Variants in EIF4G3 observed in about 807,000 individuals in gnomAD.
The protein encoded by EIF4G3 is eukaryotic translation initiation factor 4 gamma 3.
EIF4G3 carries 34 observed loss-of-function variants against 186.4 expected under a neutral mutation model. The ratio of observed to expected loss-of-function variants is 0.18; its 90% CI spans 0.14 to 0.24. EIF4G3 has a LOEUF of 0.24. Ranked by LOEUF, EIF4G3 falls within the 10% of genes least tolerant of loss-of-function variation. EIF4G3 has a pLI of 1.00. For missense variants in EIF4G3, 1,536 were observed against 1,948.5 expected (o/e 0.79, Z 3.99); for synonymous variants, 673 against 679.5 (o/e 0.99, Z 0.15).
At chr1:20,882,749 T>A (rs764077525) in intron 19 of EIF4G3, among the ~76,000 whole-genome samples, 4 of 151,942 alleles carry the variant, frequency 2.6e-5, no homozygotes, top group Admixed American at 6.6e-5. Context: ...CGAGCCATCA[T>A]TGTGCCACTG....
chr1:20,876,066 C>CA (rs2080704232), intron 20 of EIF4G3, among the ~76,000 whole-genome samples: 1 of 150,770 alleles, frequency 6.6e-6, no homozygotes, highest in South Asian at 2.1e-4. Flanking sequence ...CCTACATGTA[C>CA]AAAAAAATAC....
intron 2 of EIF4G3, among the ~76,000 whole-genome samples, chr1:21,158,047 A>G (rs2102899850): frequency 6.6e-6 from 1 of 152,264 alleles, no homozygotes; most frequent in South Asian, 2.1e-4. Context: ...TGTCCTTATC[A>G]TGAACTAATT....
intron 2 of EIF4G3, among the ~76,000 whole-genome samples, chr1:21,163,467 G>T (rs1190743962): frequency 6.6e-6 from 1 of 152,104 alleles, no homozygotes; most frequent in Admixed American, 6.5e-5. Flanking sequence ...ATTATACATG[G>T]ACTAATTAAG....
intron 29 of EIF4G3, among the ~76,000 whole-genome samples, chr1:20,843,775 G>A (rs2069617027): frequency 6.6e-6 from 1 of 152,164 alleles, no homozygotes; most frequent in Non-Finnish European, 1.5e-5. Context: ...GTATCCATTA[G>A]TTATTTTTCC....
At chr1:21,173,485 G>A (rs936512375) in intron 2 of EIF4G3, among the ~76,000 whole-genome samples, 4 of 151,984 alleles carry the variant, frequency 2.6e-5, no homozygotes, top group South Asian at 2.1e-4. Context: ...CCAGGAGTTC[G>A]AGACCAGCCT....
At chr1:21,074,766 T>A (rs1329700270) in intron 3 of EIF4G3, among the ~76,000 whole-genome samples, 2 of 152,150 alleles carry the variant, frequency 1.3e-5, no homozygotes, top group African/African-American at 2.4e-5. Context: ...TCCAATACAA[T>A]GTTGTATTAA....
rs942926223 is a variant in EIF4G3, at chr1:20,925,163, C to T, written c.1663+16328G>A. On this transcript the variant is annotated intron_variant, in intron 14 of 36. Transcript: ENST00000602326. ...AGGTTTCTCCTTTATTTATACTATA[C>T]GTACTGTTTTACACCTTGGTATGGC... Among the ~76,000 whole-genome samples the T allele has an allele frequency of 4.6e-5, 7 of 152,232 alleles. No individual in the cohort carries two copies. The South Asian group carries it at 6.2e-4, about 14-fold the overall frequency.
intron 2 of EIF4G3, among the ~76,000 whole-genome samples, chr1:21,170,574 G>C (rs2097941277): frequency 6.6e-6 from 1 of 152,056 alleles, no homozygotes; most frequent in Admixed American, 6.6e-5. Context: ...AGGAAGCTAA[G>C]GCAGGAGAAT....
intron 14 of EIF4G3, among the ~76,000 whole-genome samples, chr1:20,907,876 C>T (rs1354834751): frequency 1.3e-5 from 2 of 152,022 alleles, no homozygotes; most frequent in Non-Finnish European, 2.9e-5. Context: ...GTCTTTATAG[C>T]AGCATGATTT....
At chr1:20,851,579 AT>A (rs1256472583) in intron 27 of EIF4G3, 101 bp from the exon 28 acceptor site, 1 of 1,121,990 alleles carries the variant, frequency 8.9e-7, no homozygotes, top group Admixed American at 2.3e-5. Context: ...AGTATACAGA[AT>A]TTTTCACAGA....
rs534746378 is a variant in EIF4G3 at position 20,884,689 on chromosome 1, G to C, written c.2424+1512C>G. Among the ~76,000 whole-genome samples the C allele has an allele frequency of 5.3e-5, 8 of 152,280 alleles. No homozygotes were observed. The East Asian group carries it at 1.5e-3, about 29-fold the overall frequency. On this transcript the variant is annotated intron_variant, in intron 19 of 36. Transcript: ENST00000602326. ...AGGAACCCTGTGGCAAATGTTTGGG[G>C]ATAATCACTAAAGAGATAAACAAAA...
At chr1:20,854,917 G>A in intron 26 of EIF4G3, 61 bp downstream of exon 26, 1 of 1,370,816 alleles carries the variant, frequency 7.3e-7, no homozygotes, top group Non-Finnish European at 1.0e-6. Flanking sequence ...CTATGGGAAT[G>A]CGCTGTAAGG....
intron 2 of EIF4G3, among the ~76,000 whole-genome samples, chr1:21,090,489 T>C (rs973647032): frequency 6.6e-6 from 1 of 152,180 alleles, no homozygotes; most frequent in African/African-American, 2.4e-5. Context: ...ACCAATACAT[T>C]TTAAAGAACA....
intron 14 of EIF4G3, among the ~76,000 whole-genome samples, chr1:20,931,937 G>C (rs2095330562): frequency 6.9e-6 from 1 of 145,340 alleles, no homozygotes; most frequent in African/African-American, 2.5e-5. Flanking sequence ...AAAAAAAAAA[G>C]AAAGTAGGTA....
chr1:20,849,816 G>T (rs1251499153), intron 28 of EIF4G3, among the ~76,000 whole-genome samples: 1 of 152,108 alleles, frequency 6.6e-6, no homozygotes. Context: ...CTTCAAAGAT[G>T]AAGAGTACAT....
chr1:21,169,656 A>C (rs1307833167), intron 2 of EIF4G3: 2 of 152,178 alleles, frequency 1.3e-5, no homozygotes. Flanking sequence ...CTCAGTATCA[A>C]TATGTACTTC....
At chr1:20,835,633 A>G (rs1399296784) in intron 30 of EIF4G3, among the ~76,000 whole-genome samples, 2 of 152,186 alleles carry the variant, frequency 1.3e-5, no homozygotes, top group African/African-American at 4.8e-5. Flanking sequence ...TCATAGATAT[A>G]TACAACAAAT....
chr1:21,076,502 T>A (rs546743280), intron 3 of EIF4G3, among the ~76,000 whole-genome samples: 2 of 151,210 alleles, frequency 1.3e-5, no homozygotes, highest in South Asian at 4.2e-4. Context: ...AAAATAAAAA[T>A]AAAAAATAAA....
At chr1:21,034,952 G>A (rs2093056060) in intron 4 of EIF4G3, among the ~76,000 whole-genome samples, 1 of 152,068 alleles carries the variant, frequency 6.6e-6, no homozygotes, top group Non-Finnish European at 1.5e-5. Context: ...GGCTGCAGGG[G>A]GACCCTGCAA....
Sources: allele counts gnomAD v4.1 joint callset (sites outside exome capture counted in the v4.1 genomes callset), GRCh38; gene constraint gnomAD v4.1.1; transcripts MANE v1.5; gene names NCBI Gene and HGNC (gene_info 2026-07-23, HGNC 2026-07-21).